PAK1: variants seen among roughly 807,000 people sequenced by gnomAD.
The protein encoded by PAK1 is p21 (RAC1) activated kinase 1, also known as serine/threonine-protein kinase PAK 1.
PAK1 carries 29 observed loss-of-function variants against 67.4 expected under a neutral mutation model. That is an observed-to-expected ratio of 0.43 (90% confidence interval 0.32 to 0.59). The LOEUF is 0.59. PAK1 is among the 20% of genes least tolerant of loss of function. The pLI, the probability that PAK1 is intolerant of heterozygous loss-of-function variation, is 0.07. For missense variants in PAK1, 337 were observed against 670.7 expected (o/e 0.50, Z 5.50); for synonymous variants, 223 against 237.4 (o/e 0.94, Z 0.56).
chr11:77,381,561 T>C (rs1045339704), intron 2 of PAK1, among the ~76,000 whole-genome samples: 4 of 152,354 alleles, frequency 2.6e-5, no homozygotes, highest in Admixed American at 1.3e-4. Context: ...CAAGAAAACA[T>C]ACTTCAGTGT....
In PAK1 at chr11:77,429,056, T is replaced by TAAAAAAAA. The variant is rs566874549; in HGVS notation, c.-21-36523_-21-36516dup. Among the ~76,000 whole-genome samples, 192 of 48,950 alleles carry TAAAAAAAA rather than the reference T, an allele frequency of 3.9e-3. 45 individuals carry two copies. The highest frequency in any genetic ancestry group is 8.1e-3 in the South Asian group (6 of 744). The allele number at this position is 48,950 out of a possible 152,430, so 32.1% of individuals were successfully genotyped here. ...TTGGATTCTAAATGCCATTTAATAC[T>TAAAAAAAA]AAAAAAAAAAAAAAAAAAAAAAAAA... On this transcript the variant is annotated intron_variant, in intron 1 of 14. Coordinates refer to ENST00000356341, the MANE Select transcript of PAK1 (RefSeq NM_002576.5).
chr11:77,457,632 T>C (rs1350275363), intron 1 of PAK1, among the ~76,000 whole-genome samples: 1 of 152,180 alleles, frequency 6.6e-6, no homozygotes, highest in Non-Finnish European at 1.5e-5. Flanking sequence ...AGGTCAGGCA[T>C]GGCATTTGGT....
rs190935352 is a variant in PAK1, at chr11:77,470,468, C to A, written c.-22+3084G>T. On this transcript the variant is annotated intron_variant, in intron 1 of 14. Coordinates refer to ENST00000356341, the MANE Select transcript of PAK1 (RefSeq NM_002576.5). ...GTATATAGCTGAACATCCTGCCCAG[C>A]ACAGGGTCTGGCACATGGTGGAGAA... 1.6e-4 allele frequency among the ~76,000 whole-genome samples: 24 copies of A among 152,268 alleles called. No homozygotes were observed. In the East Asian group the frequency reaches 4.4e-3, roughly 28 times the overall value.
chr11:77,507,022 A>C, the PAK1 span, among the ~76,000 whole-genome samples: 2 of 152,230 alleles, frequency 1.3e-5, no homozygotes, highest in African/African-American at 2.4e-5. Context: ...ACCTGGCATA[A>C]GAAGATAACC....
intron 1 of PAK1, among the ~76,000 whole-genome samples, chr11:77,410,720 G>A (rs1259627803): frequency 6.6e-6 from 1 of 151,710 alleles, no homozygotes; most frequent in Non-Finnish European, 1.5e-5. Flanking sequence ...AAATGATCAG[G>A]AGGAGGAAAT....
the PAK1 span, among the ~76,000 whole-genome samples, chr11:77,493,700 G>T: frequency 1.3e-5 from 2 of 151,902 alleles, no homozygotes; most frequent in African/African-American, 4.8e-5. Context: ...TGCGTCAGTC[G>T]TTTTGAATGT....
chr11:77,387,974 T>C (rs1363272370), intron 2 of PAK1, among the ~76,000 whole-genome samples: 1 of 152,230 alleles, frequency 6.6e-6, no homozygotes, highest in Non-Finnish European at 1.5e-5. Context: ...CTTCTTTCAT[T>C]TTGATGTATG....
chr11:77,328,883 C>G (rs1940720329), intron 14 of PAK1, among the ~76,000 whole-genome samples: 1 of 152,024 alleles, frequency 6.6e-6, no homozygotes, highest in Non-Finnish European at 1.5e-5. Context: ...TGATAGACCG[C>G]TAGCAAGACT....
At chr11:77,398,591 A>G (rs1368942560) in intron 1 of PAK1, among the ~76,000 whole-genome samples, 2 of 152,168 alleles carry the variant, frequency 1.3e-5, no homozygotes, top group Non-Finnish European at 2.9e-5. Context: ...CTGTAAATAG[A>G]CACTGTGATT....
chr11:77,424,024 T>C (rs1483003544), intron 1 of PAK1, among the ~76,000 whole-genome samples: 3 of 152,106 alleles, frequency 2.0e-5, no homozygotes, highest in African/African-American at 4.8e-5. Flanking sequence ...GTTGGAAAAA[T>C]AGGCTTAAGG....
rs948977880 is a variant in PAK1 at position 77,356,026 on chromosome 11, C to T, written c.598-184G>A. On this transcript the variant is annotated intron_variant, in intron 6 of 14. Coordinates refer to ENST00000356341, the MANE Select transcript of PAK1 (RefSeq NM_002576.5). ...ACCCATTCTGGGTAAAATGGCCTTC[C>T]TTACTCTCACTGTAAACAAAAGAAG... is the stretch of plus-strand genomic sequence containing the variant. The T allele has an allele frequency of 9.5e-6, 5 of 525,146 alleles. No individual in the cohort carries two copies. In the Admixed American group the frequency reaches 1.0e-4, roughly 11 times the overall value. 32.5% of individuals were successfully genotyped at this position (525,146 alleles called of 1,614,324 possible). A position where few individuals can be genotyped will look rare whatever the true frequency, so the allele number is the denominator to read the frequency against.
intron 5 of PAK1, among the ~76,000 whole-genome samples, chr11:77,369,793 CTCT>C (rs2136882889): frequency 6.6e-6 from 1 of 152,166 alleles, no homozygotes; most frequent in East Asian, 1.9e-4. Context: ...TTCTTTCCTC[CTCT>C]GATTGCTCTA....
chr11:77,414,411 A>G (rs1274111894), intron 1 of PAK1, among the ~76,000 whole-genome samples: 3 of 152,256 alleles, frequency 2.0e-5, no homozygotes, highest in African/African-American at 7.2e-5. Flanking sequence ...CTAGAGTCCC[A>G]GCAGAGATTC....
chr11:77,470,395 ATCATG>A (rs1565726600), intron 1 of PAK1, among the ~76,000 whole-genome samples: 1 of 152,062 alleles, frequency 6.6e-6, no homozygotes, highest in Non-Finnish European at 1.5e-5. Flanking sequence ...TTCAGCACTT[ATCATG>A]TCATATTATC....
chr11:77,377,649 T>C (rs866535664), intron 4 of PAK1, among the ~76,000 whole-genome samples: 1 of 152,202 alleles, frequency 6.6e-6, no homozygotes, highest in Admixed American at 6.5e-5. Context: ...TAATTCCAAA[T>C]ATATGCAAAC....
chr11:77,472,579 G>A (rs949770061), intron 1 of PAK1, among the ~76,000 whole-genome samples: 3 of 152,278 alleles, frequency 2.0e-5, no homozygotes, highest in Admixed American at 1.3e-4. Flanking sequence ...ACCTGCTCAA[G>A]GTCACACAAG....
At chr11:77,353,409 A>G (rs1052847307) in intron 8 of PAK1, 127 bp downstream of exon 8, 25 of 673,704 alleles carry the variant, frequency 3.7e-5, no homozygotes, top group Non-Finnish European at 5.1e-5. Flanking sequence ...ACAACTCCAG[A>G]TGGGTGAGGG....
At chr11:77,415,546 A>T (rs912804605) in intron 1 of PAK1, among the ~76,000 whole-genome samples, 3 of 152,196 alleles carry the variant, frequency 2.0e-5, no homozygotes, top group African/African-American at 4.8e-5. Flanking sequence ...CAACTGTAAC[A>T]CAATAGTATT....
chr11:77,426,078 CTTTTTTTTTTTTT>C (rs35602138), intron 1 of PAK1, among the ~76,000 whole-genome samples: 1 of 117,240 alleles, frequency 8.5e-6, no homozygotes, highest in Admixed American at 8.6e-5. Flanking sequence ...TTGAAGGCCT[CTTTTTTTTTTTTT>C]TTTTTTTTTT....
Sources: gnomAD v4.1 joint callset for allele counts (sites outside exome capture counted in the v4.1 genomes callset) on GRCh38, gnomAD v4.1.1 for gene constraint, MANE v1.5 for transcripts, NCBI Gene and HGNC (gene_info 2026-07-23, HGNC 2026-07-21) for gene names.